The following PTPRM variants were observed in gnomAD, a reference collection of about 807,000 sequenced individuals.
PTPRM encodes the protein receptor-type tyrosine-protein phosphatase mu.
In PTPRM, 47 loss-of-function variants were observed where a neutral mutation model predicts 186.7. The observed-to-expected ratio is 0.25, with a 90% CI of 0.20 to 0.32. The LOEUF (loss-of-function observed/expected upper bound fraction) is 0.32, where lower values mean the gene tolerates loss of function less well. Ranked by LOEUF, PTPRM falls within the 10% of genes least tolerant of loss-of-function variation. PTPRM has a pLI of 1.00. For synonymous variants in PTPRM, 668 were observed against 674.9 expected, an observed-to-expected ratio of 0.99 and a Z score of 0.16; for missense variants, 1,494 against 1,865.0, an observed-to-expected ratio of 0.80 and a Z score of 3.66.
At chr18:7,638,978 C>T (rs1380209783) in intron 1 of PTPRM, among the ~76,000 whole-genome samples, 1 of 152,178 alleles carries the variant, frequency 6.6e-6, no homozygotes, top group Non-Finnish European at 1.5e-5. Flanking sequence ...ATAATCTTAA[C>T]CATGTTTATT....
intron 22 of PTPRM, among the ~76,000 whole-genome samples, chr18:8,322,176 A>G (rs2095349845): frequency 6.6e-6 from 1 of 152,180 alleles, no homozygotes; most frequent in Admixed American, 6.5e-5. Flanking sequence ...GCTGACAACC[A>G]GTTTTACTTC....
At position 8,097,019 on chromosome 18, in the gene PTPRM, GAGAGGAATGAGGGCAC is replaced by G. The variant is rs141618594; in HGVS notation, c.1856+8172_1856+8187del. 9.0e-3 allele frequency among the ~76,000 whole-genome samples: 1,367 copies of G among 152,222 alleles called. 18 individuals are homozygous for G. Among genetic ancestry groups the G allele is most frequent in the African/African-American group, 0.03 (1,259 of 41,534 alleles). On this transcript the variant is annotated intron_variant, in intron 11 of 32. Transcript: ENST00000580170. The stretch of plus-strand genomic sequence containing the variant: ...TGCTTCATCCTATTTTGGTGGTGGG[GAGAGGAATGAGGGCAC>G]AGATACAGAAGGAATTATGTTTTAC...
At chr18:8,029,105 T>C (rs2085767874) in intron 7 of PTPRM, among the ~76,000 whole-genome samples, 1 of 152,224 alleles carries the variant, frequency 6.6e-6, no homozygotes, top group South Asian at 2.1e-4. Flanking sequence ...TTCATTCATA[T>C]GGGTTCTCTC....
chr18:7,928,286 T>A (rs2051290407), intron 5 of PTPRM, among the ~76,000 whole-genome samples: 1 of 152,208 alleles, frequency 6.6e-6, no homozygotes, highest in Non-Finnish European at 1.5e-5. Flanking sequence ...ATATTCCAAG[T>A]TCATCTTTAC....
At chr18:7,809,528 G>T (rs990399065) in intron 2 of PTPRM, among the ~76,000 whole-genome samples, 3 of 152,086 alleles carry the variant, frequency 2.0e-5, no homozygotes, top group Non-Finnish European at 4.4e-5. Context: ...CCAAGACAGG[G>T]TGCAGGGGAG....
intron 2 of PTPRM, among the ~76,000 whole-genome samples, chr18:7,795,461 C>T: frequency 6.8e-6 from 1 of 146,822 alleles, no homozygotes. Context: ...ATTAATTGTG[C>T]TTGTTCTGGA....
At chr18:8,173,254 AG>A (rs1244014105) in intron 14 of PTPRM, among the ~76,000 whole-genome samples, 15 of 152,310 alleles carry the variant, frequency 9.8e-5, no homozygotes, top group African/African-American at 3.1e-4. Flanking sequence ...GAATTTGGCA[AG>A]AAGGTGGTGG....
At chr18:7,665,405 A>G (rs1355169769) in intron 1 of PTPRM, among the ~76,000 whole-genome samples, 1 of 152,140 alleles carries the variant, frequency 6.6e-6, no homozygotes, top group African/African-American at 2.4e-5. Context: ...TCAAATTTTC[A>G]TTTACATAGA....
At chr18:7,826,416 T>C (rs1042414502) in intron 2 of PTPRM, among the ~76,000 whole-genome samples, 1 of 152,216 alleles carries the variant, frequency 6.6e-6, no homozygotes, top group African/African-American at 2.4e-5. Flanking sequence ...AAGTTTCTGA[T>C]CATAATGAAG....
intron 1 of PTPRM, among the ~76,000 whole-genome samples, chr18:7,657,225 A>T (rs753146818): frequency 2.0e-5 from 3 of 152,148 alleles, no homozygotes; most frequent in Non-Finnish European, 4.4e-5. Flanking sequence ...GTGTGCTGCT[A>T]TTTCTGGATC....
intron 7 of PTPRM, among the ~76,000 whole-genome samples, chr18:8,004,030 C>T (rs2084025762): frequency 6.6e-6 from 1 of 152,188 alleles, no homozygotes; most frequent in South Asian, 2.1e-4. Flanking sequence ...GGAAATTCCA[C>T]GTCTCTGAAA....
At chr18:7,590,702 G>T (rs2037103317) in intron 1 of PTPRM, among the ~76,000 whole-genome samples, 1 of 152,166 alleles carries the variant, frequency 6.6e-6, no homozygotes, top group Admixed American at 6.6e-5. Context: ...AGTGATGTGG[G>T]ACAAAAACTA....
intron 14 of PTPRM, among the ~76,000 whole-genome samples, chr18:8,209,127 A>G (rs910459104): frequency 6.6e-6 from 1 of 152,170 alleles, no homozygotes; most frequent in Non-Finnish European, 1.5e-5. Flanking sequence ...AAGGCGTGAC[A>G]TTGTCTGCTT....
chr18:8,199,826 G>C (rs1002414668), intron 14 of PTPRM, among the ~76,000 whole-genome samples: 1 of 152,024 alleles, frequency 6.6e-6, no homozygotes, highest in African/African-American at 2.4e-5. Flanking sequence ...CCCTTAACAA[G>C]ATTCTCTTAC....
chr18:7,935,594 G>T (rs181072856), intron 5 of PTPRM, among the ~76,000 whole-genome samples: 1 of 152,310 alleles, frequency 6.6e-6, no homozygotes, highest in African/African-American at 2.4e-5. Context: ...GCAGTAGAGA[G>T]CCCCTTCCTC....
chr18:7,884,953 GA>G (rs2048709574), intron 2 of PTPRM, among the ~76,000 whole-genome samples: 1 of 110,468 alleles, frequency 9.1e-6, no homozygotes, highest in Non-Finnish European at 2.0e-5. Flanking sequence ...AAAAAAAAAG[GA>G]GAGAGAGAAA....
intron 2 of PTPRM, among the ~76,000 whole-genome samples, chr18:7,804,176 C>G (rs995237459): frequency 6.6e-6 from 1 of 152,160 alleles, no homozygotes; most frequent in Non-Finnish European, 1.5e-5. Context: ...GGGGTGGACT[C>G]TTCCCTTGTG....
chr18:8,066,895 A>G (rs1024891955), intron 7 of PTPRM, among the ~76,000 whole-genome samples: 2 of 152,204 alleles, frequency 1.3e-5, no homozygotes, highest in East Asian at 1.9e-4. Context: ...TAATTTTACC[A>G]TGATGGAATT....
chr18:8,059,066 T>C (rs1247310559), intron 7 of PTPRM, among the ~76,000 whole-genome samples: 1 of 145,412 alleles, frequency 6.9e-6, no homozygotes, highest in African/African-American at 2.6e-5. Flanking sequence ...TTTCACGATA[T>C]TGATTCTTCC....
Sources: gnomAD v4.1 joint callset for allele counts (sites outside exome capture counted in the v4.1 genomes callset) on GRCh38, gnomAD v4.1.1 for gene constraint, MANE v1.5 for transcripts, NCBI Gene and HGNC (gene_info 2026-07-23, HGNC 2026-07-21) for gene names.